The following SC5D variants were observed in gnomAD, a reference collection of about 807,000 sequenced individuals.
SC5D encodes the protein sterol-C5-desaturase, also known as lathosterol oxidase.
SC5D carries 21 observed loss-of-function variants against 23.9 expected under a neutral mutation model. That is an observed-to-expected ratio of 0.88 (90% CI 0.62 to 1.26). SC5D has a LOEUF of 1.26. Ranked by LOEUF, SC5D falls within the 50% of genes most tolerant of loss-of-function variation. The probability of loss-of-function intolerance (pLI) is 0.00; values close to 1 mark genes in which losing one functional copy is unlikely to be tolerated. For synonymous variants in SC5D, 113 were observed against 125.9 expected (o/e 0.90, Z 0.68); for missense variants, 309 against 364.8 (o/e 0.85, Z 1.25).
chr11:121,311,218 T>C lies in SC5D; in HGVS notation c.*3706T>C, dbSNP rs902113838. On this transcript the variant is annotated 3_prime_UTR_variant, in exon 5 of 5. Transcript: ENST00000264027. ...GAATTTATTAATAAAATGGCAGAAA[T>C]GTCATTCTCTTCCATATATGTTTAA... Among the ~76,000 whole-genome samples the C allele has an allele frequency of 6.6e-6, 1 of 152,242 alleles. No homozygotes were observed. Among genetic ancestry groups the C allele is most frequent in the Non-Finnish European group, 1.5e-5 (1 of 68,046 alleles).
intron 4 of SC5D, 74 bp from the exon 5 acceptor site, chr11:121,306,983 T>C: frequency 8.1e-7 from 1 of 1,228,102 alleles, no homozygotes; most frequent in Non-Finnish European, 1.2e-6. Flanking sequence ...GTTTCCAACA[T>C]GAGTGTGAGA....
intron 3 of SC5D, 70 bp downstream of exon 3, chr11:121,304,563 T>C: frequency 3.7e-6 from 5 of 1,354,642 alleles, no homozygotes; most frequent in Non-Finnish European, 5.2e-6. Context: ...AAAAAACAAG[T>C]CTGCCCTTTT....
In SC5D at chr11:121,312,303, A is replaced by G. The variant is rs889206467; in HGVS notation, c.*4791A>G. 1.3e-5 allele frequency among the ~76,000 whole-genome samples: 2 copies of G among 152,224 alleles called. No individual in the cohort carries two copies. Among genetic ancestry groups the G allele is most frequent in the African/African-American group, 4.8e-5 (2 of 41,478 alleles). ...GTTTTAATATTTGCTTTATTAAAAT[A>G]CATTTAAAATACAGCATTTTTAAAT... On this transcript the variant is annotated 3_prime_UTR_variant, in exon 5 of 5. Transcript: ENST00000264027.
At position 121,309,777 on chromosome 11, in the gene SC5D, C is replaced by G. The variant is rs140956982; in HGVS notation, c.*2265C>G. Among the ~76,000 whole-genome samples, 510 of 152,280 alleles carry G rather than the reference C, an allele frequency of 3.3e-3. 2 individuals are homozygous for G. The highest frequency in any genetic ancestry group is 0.011 in the African/African-American group (466 of 41,540). On this transcript the variant is annotated 3_prime_UTR_variant, in exon 5 of 5. Coordinates refer to ENST00000264027, the MANE Select transcript of SC5D (RefSeq NM_006918.5). ...CCTAACATTGTAATATACAGTACTGCCACATTCTCCTACTTTCTATTAGAG... is the reference window on the plus strand; with the variant it reads ...CCTAACATTGTAATATACAGTACTGGCACATTCTCCTACTTTCTATTAGAG...
At chr11:121,302,331 G>A (rs1947931544) in intron 1 of SC5D, among the ~76,000 whole-genome samples, 1 of 152,154 alleles carries the variant, frequency 6.6e-6, no homozygotes, top group African/African-American at 2.4e-5. Flanking sequence ...AGACATTTTA[G>A]ATGCTGAACA....
chr11:121,299,726 C>T (rs1267413094), intron 1 of SC5D, among the ~76,000 whole-genome samples: 3 of 152,048 alleles, frequency 2.0e-5, no homozygotes, highest in African/African-American at 7.2e-5. Context: ...CTTGTCCATA[C>T]AAAAAAATTT....
chr11:121,297,356 A>G (rs1947896456), intron 1 of SC5D, among the ~76,000 whole-genome samples: 2 of 152,242 alleles, frequency 1.3e-5, no homozygotes, highest in South Asian at 4.1e-4. Context: ...TGAATTAGAC[A>G]TAATTCAGTT....
rs929685170 is a variant in SC5D, at chr11:121,299,484, A to G, written c.-10-3882A>G. ...TGTACCAGTCTATTTTCCATTTGTCATTTGTTACTCCATACATAATTACAT... is the reference window on the plus strand; with the variant it reads ...TGTACCAGTCTATTTTCCATTTGTCGTTTGTTACTCCATACATAATTACAT... On this transcript the variant is annotated intron_variant, in intron 1 of 4. Transcript: ENST00000264027. Among the ~76,000 whole-genome samples the G allele has an allele frequency of 2.0e-5, 3 of 152,364 alleles. 1 individual carries two copies. The highest frequency in any genetic ancestry group is 6.8e-3 in the Middle Eastern group (2 of 294).
At chr11:121,303,805 G>A (rs554974157) in intron 2 of SC5D, 29 of 497,660 alleles carry the variant, frequency 5.8e-5, no homozygotes, top group Non-Finnish European at 8.6e-5. Context: ...GTCTAGTATC[G>A]TATCTTGCTA....
At chr11:121,306,650 A>G (rs1268313198) in intron 4 of SC5D, 164 bp downstream of exon 4, 2 of 693,126 alleles carry the variant, frequency 2.9e-6, no homozygotes, top group South Asian at 1.5e-5. Flanking sequence ...ATTCTTCTTT[A>G]TGGGTCTAAG....
chr11:121,297,369 A>G (rs985973941), intron 1 of SC5D, among the ~76,000 whole-genome samples: 2 of 152,238 alleles, frequency 1.3e-5, no homozygotes, highest in Non-Finnish European at 2.9e-5. Flanking sequence ...ATTCAGTTGA[A>G]CTCACAGAAA....
At chr11:121,299,713 GC>G (rs1479797273) in intron 1 of SC5D, among the ~76,000 whole-genome samples, 2 of 152,076 alleles carry the variant, frequency 1.3e-5, no homozygotes, top group Admixed American at 1.3e-4. Context: ...AATATAATGA[GC>G]CCTTGTCCAT....
In SC5D at chr11:121,307,442, G is replaced by A. The variant is rs114578771; in HGVS notation, c.830G>A (p.Arg277His). 764 of 1,610,134 alleles carry A rather than the reference G, an allele frequency of 4.7e-4. 4 individuals carry two copies. In the African/African-American group the frequency reaches 8.4e-3, roughly 18 times the overall value. The change falls in exon 5 of 5, where the codon CGC becomes CAC. Residue 277 changes from arginine (R) to histidine (H), a missense_variant. By Grantham distance (29) the Arg-to-His change is conservative. Transcript: ENST00000264027. ...GTGAAGGAGATGACAGAGGGAAAGC[G>A]CAGCAGCCATTCAGGAAATGGCTGT... ...SYVKEMTEGK[R>H]SSHSGNGCKN... is the part of the protein sequence containing the mutation.
intron 1 of SC5D, among the ~76,000 whole-genome samples, chr11:121,301,918 C>A (rs1591503350): frequency 6.6e-6 from 1 of 152,036 alleles, no homozygotes; most frequent in African/African-American, 2.4e-5. Flanking sequence ...AATTTGTCAT[C>A]ATTCCATCTT....
chr11:121,293,905 T>C (rs1384307611), intron 1 of SC5D, among the ~76,000 whole-genome samples: 3 of 152,142 alleles, frequency 2.0e-5, no homozygotes, highest in Non-Finnish European at 2.9e-5. Flanking sequence ...CCAGCTGGTT[T>C]TTTCTGTTAT....
chr11:121,307,123 ATT>A lies in SC5D; in HGVS notation c.512_513del (p.Ile171ArgfsTer31). The stretch of plus-strand genomic sequence containing the variant: ...ATTTGCAAGTCATGCTTTTCACCCT[ATT>A]GATGGCTTTCTTCAGAGTCTACCTT... Reference protein sequence around the residue: ...TPFASHAFHPIDGFLQSLPYH... With the variant: ...TPFASHAFHPXDGFLQSLPYH... On this transcript the variant is annotated frameshift_variant, in exon 5 of 5. Transcript: ENST00000264027. LOFTEE classifies it high-confidence loss of function. 6.2e-7 allele frequency: 1 copy of A among 1,614,114 alleles called. No individual in the cohort carries two copies.
intron 4 of SC5D, 100 bp from the exon 5 acceptor site, chr11:121,306,957 C>T: frequency 1.0e-6 from 1 of 995,908 alleles, no homozygotes; most frequent in South Asian, 1.3e-5. Flanking sequence ...CTGATCTCTA[C>T]AGGATTTGTT....
rs979470974 is a variant in SC5D, at chr11:121,310,621, C to T, written c.*3109C>T. On this transcript the variant is annotated 3_prime_UTR_variant, in exon 5 of 5. Coordinates refer to ENST00000264027, the MANE Select transcript of SC5D (RefSeq NM_006918.5). ...TACAGGTGCCCGCCACCACCACGCC[C>T]GGCTAATTTTTTATATTTTTAGTAG... 3.0e-4 allele frequency among the ~76,000 whole-genome samples: 45 copies of T among 152,066 alleles called. No homozygotes were observed. The highest frequency in any genetic ancestry group is 6.2e-4 in the South Asian group (3 of 4,818).
chr11:121,302,459 A>G (rs1213586642), intron 1 of SC5D, among the ~76,000 whole-genome samples: 1 of 152,240 alleles, frequency 6.6e-6, no homozygotes, highest in Non-Finnish European at 1.5e-5. Context: ...TAACAGGACC[A>G]TGAGTATAGA....
Sources: allele counts gnomAD v4.1 joint callset (sites outside exome capture counted in the v4.1 genomes callset), GRCh38; gene constraint gnomAD v4.1.1; transcripts MANE v1.5; gene names NCBI Gene and HGNC (gene_info 2026-07-23, HGNC 2026-07-21).